The following SAMMSON variants were observed in gnomAD, a reference collection of about 807,000 sequenced individuals.
SAMMSON encodes the protein long intergenic non-protein coding RNA 1212.
intron 4 of SAMMSON, among the ~76,000 whole-genome samples, chr3:70,220,463 A>T (rs1177789396): frequency 6.6e-6 from 1 of 152,112 alleles, no homozygotes; most frequent in Non-Finnish European, 1.5e-5. Flanking sequence ...ACTTCAAGTT[A>T]TATTTTTGCT....
intron 6 of SAMMSON, among the ~76,000 whole-genome samples, chr3:70,251,920 T>TTATGGCAATATTTAACCAA (rs1235389303): frequency 6.6e-6 from 1 of 152,222 alleles, no homozygotes; most frequent in East Asian, 1.9e-4. Flanking sequence ...TACACTGTAA[T>TTATGGCAATATTTAACCAA]TATGGCAATA....
chr3:70,185,194 G>A (rs1226101365), intron 4 of SAMMSON, among the ~76,000 whole-genome samples: 4 of 152,006 alleles, frequency 2.6e-5, no homozygotes, highest in South Asian at 2.1e-4. Flanking sequence ...CACAGAACAC[G>A]GATCTACTCC....
At chr3:70,100,036 G>A (rs781727505) in intron 4 of SAMMSON, among the ~76,000 whole-genome samples, 3 of 152,162 alleles carry the variant, frequency 2.0e-5, no homozygotes, top group Non-Finnish European at 2.9e-5. Flanking sequence ...TGGTGAAATG[G>A]CCTTCCGAGG....
intron 2 of SAMMSON, among the ~76,000 whole-genome samples, chr3:70,410,779 A>C (rs1000455166): frequency 2.6e-5 from 4 of 152,228 alleles, no homozygotes; most frequent in South Asian, 4.1e-4. Flanking sequence ...AATAGAAATG[A>C]AAAGTATTTA....
intron 6 of SAMMSON, among the ~76,000 whole-genome samples, chr3:70,266,515 G>T (rs976561518): frequency 3.9e-5 from 6 of 152,140 alleles, no homozygotes; most frequent in Admixed American, 3.9e-4. Context: ...GCATCTCCTA[G>T]GCTCAAGTGA....
chr3:70,033,954 A>G (rs569965531), intron 3 of SAMMSON, among the ~76,000 whole-genome samples: 71 of 152,266 alleles, frequency 4.7e-4, no homozygotes, highest in African/African-American at 1.5e-3. Context: ...AGTTTGGGAT[A>G]TGTCCTCTGG....
chr3:70,129,519 T>G (rs1472685965), intron 4 of SAMMSON, among the ~76,000 whole-genome samples: 1 of 152,206 alleles, frequency 6.6e-6, no homozygotes, highest in African/African-American at 2.4e-5. Flanking sequence ...TAATATATCT[T>G]TCATAAATAA....
At chr3:70,193,690 A>G (rs1026928921) in intron 4 of SAMMSON, among the ~76,000 whole-genome samples, 3 of 152,204 alleles carry the variant, frequency 2.0e-5, no homozygotes, top group Admixed American at 6.5e-5. Context: ...ATCAGAGTCT[A>G]TAGTTTGTGT....
At chr3:70,316,263 T>C (rs1028778636) in intron 7 of SAMMSON, among the ~76,000 whole-genome samples, 13 of 152,272 alleles carry the variant, frequency 8.5e-5, no homozygotes, top group Admixed American at 7.2e-4. Flanking sequence ...AATAATCAGT[T>C]GCTATCACGA....
intron 2 of SAMMSON, among the ~76,000 whole-genome samples, chr3:70,431,144 G>A (rs1319811724): frequency 6.6e-6 from 1 of 152,016 alleles, no homozygotes; most frequent in African/African-American, 2.4e-5. Flanking sequence ...GAGAGTATAT[G>A]GAGGCCTCAG....
At chr3:70,269,346 T>C (rs1457517396) in intron 6 of SAMMSON, among the ~76,000 whole-genome samples, 1 of 152,202 alleles carries the variant, frequency 6.6e-6, no homozygotes, top group Non-Finnish European at 1.5e-5. Flanking sequence ...ATGAATATAC[T>C]GAACTGTAAC....
intron 4 of SAMMSON, among the ~76,000 whole-genome samples, chr3:70,149,854 C>T (rs4422268): frequency 0.46 from 70,573 of 151,802 alleles, 17,412 homozygotes; most frequent in Non-Finnish European, 0.52. Flanking sequence ...TTTGTGGCCC[C>T]AAGTTACAAC....
intron 9 of SAMMSON, among the ~76,000 whole-genome samples, chr3:70,376,261 C>T (rs1162504454): frequency 2.0e-5 from 3 of 152,162 alleles, no homozygotes; most frequent in African/African-American, 7.2e-5. Context: ...TTTGAGTTAA[C>T]TAAGCGTTGT....
intron 4 of SAMMSON, among the ~76,000 whole-genome samples, chr3:70,217,322 C>T (rs1701422157): frequency 6.6e-6 from 1 of 152,170 alleles, no homozygotes; most frequent in East Asian, 1.9e-4. Flanking sequence ...TTGAAATAAG[C>T]ATTGTTGTCA....
intron 9 of SAMMSON, among the ~76,000 whole-genome samples, chr3:70,359,246 T>A (rs964181913): frequency 3.3e-5 from 5 of 152,156 alleles, no homozygotes; most frequent in Non-Finnish European, 5.9e-5. Context: ...ATGTGAGCAA[T>A]CTTTTCAAGA....
rs144768758 is a variant in SAMMSON at position 70,103,594 on chromosome 3, A to G, written n.507+32029A>G. 1.5e-4 allele frequency among the ~76,000 whole-genome samples: 23 copies of G among 152,308 alleles called. No homozygotes were observed. In the East Asian group the frequency reaches 4.3e-3, roughly 28 times the overall value. ...TCGGTTACATCCTTGACAAGTTGTC[A>G]TCTAGTTTCTACTTGAATTCTCCTG... On this transcript the variant is annotated intron_variant and non_coding_transcript_variant, in intron 4 of 9. Coordinates refer to ENST00000642114, the Ensembl canonical transcript of SAMMSON.
chr3:70,328,031 G>A (rs1702590916), intron 7 of SAMMSON, among the ~76,000 whole-genome samples: 1 of 152,172 alleles, frequency 6.6e-6, no homozygotes, highest in African/African-American at 2.4e-5. Flanking sequence ...TGTGGTGGAA[G>A]GTGAAAGGCA....
chr3:70,031,262 A>T (rs1235596022), intron 3 of SAMMSON, among the ~76,000 whole-genome samples: 1 of 152,164 alleles, frequency 6.6e-6, no homozygotes, highest in Non-Finnish European at 1.5e-5. Context: ...CCTTAAAAAC[A>T]TTGCACTGAA....
At chr3:70,060,157 G>C (rs2067182431) in intron 3 of SAMMSON, among the ~76,000 whole-genome samples, 2 of 152,132 alleles carry the variant, frequency 1.3e-5, no homozygotes, top group Admixed American at 1.3e-4. Context: ...GTTAGTGCAA[G>C]ACTTACTTAT....
Sources: allele counts gnomAD v4.1 joint callset (sites outside exome capture counted in the v4.1 genomes callset), GRCh38; gene constraint gnomAD v4.1.1; transcripts MANE v1.5; gene names NCBI Gene and HGNC (gene_info 2026-07-23, HGNC 2026-07-21).